The following PRDM6 variants were observed in gnomAD, a reference collection of about 807,000 sequenced individuals.
PRDM6 encodes putative histone-lysine N-methyltransferase PRDM6.
PRDM6 carries 25 observed loss-of-function variants against 60.8 expected under a neutral mutation model. That is an observed-to-expected ratio of 0.41 (90% CI 0.30 to 0.57). The LOEUF (loss-of-function observed/expected upper bound fraction) is 0.57. Among genes scored for constraint, PRDM6 ranks in the 20% least tolerant of loss-of-function variants. PRDM6 has a pLI of 0.27. For missense variants in PRDM6, 839 were observed against 821.3 expected (o/e 1.02, Z -0.26); for synonymous variants, 407 against 357.4 (o/e 1.14, Z -1.57).
intron 5 of PRDM6, among the ~76,000 whole-genome samples, chr5:123,168,250 ATATAAG>A (rs1765803856): frequency 6.6e-6 from 1 of 152,238 alleles, no homozygotes; most frequent in Non-Finnish European, 1.5e-5. Flanking sequence ...ACGTAGGTGT[ATATAAG>A]TATATGTATA....
At chr5:123,151,696 T>C (rs888858) in intron 3 of PRDM6, among the ~76,000 whole-genome samples, 27,558 of 148,310 alleles carry the variant, frequency 0.19, 2,616 homozygotes, top group Non-Finnish European at 0.22. Context: ...GGCAGAAGAG[T>C]TGGTGACTGA....
rs1402969181 is a variant in PRDM6, at chr5:123,187,668, A to C, written c.*467A>C. 6.3e-6 allele frequency: 1 copy of C among 158,402 alleles called. No homozygotes were observed. The highest frequency in any genetic ancestry group is 1.8e-4 in the East Asian group (1 of 5,522). 9.8% of individuals were successfully genotyped at this position (158,402 alleles called of 1,614,324 possible). A position where few individuals can be genotyped will look rare whatever the true frequency, so the allele number is the denominator to read the frequency against. On this transcript the variant is annotated 3_prime_UTR_variant, in exon 8 of 8. Coordinates refer to ENST00000407847, the MANE Select transcript of PRDM6 (RefSeq NM_001136239.4). Reference sequence around the variant, plus strand: ...CTGTGTCAGTTTGGCCTGGCCTGACACTGGCTGCCCCAGCGGGGACCACGG... The same window carrying C: ...CTGTGTCAGTTTGGCCTGGCCTGACCCTGGCTGCCCCAGCGGGGACCACGG...
At chr5:123,106,958 A>G (rs1194835261) in intron 3 of PRDM6, among the ~76,000 whole-genome samples, 1 of 152,224 alleles carries the variant, frequency 6.6e-6, no homozygotes, top group Non-Finnish European at 1.5e-5. Flanking sequence ...TCACTAAACC[A>G]GGTTACTCTT....
chr5:123,179,055 C>T (rs1766080423), intron 6 of PRDM6, among the ~76,000 whole-genome samples: 1 of 152,146 alleles, frequency 6.6e-6, no homozygotes, highest in Admixed American at 6.5e-5. Context: ...AAATTAGAAT[C>T]CTGTCAAGGA....
At chr5:123,138,033 G>T (rs34695021) in intron 3 of PRDM6, among the ~76,000 whole-genome samples, 1,844 of 151,524 alleles carry the variant, frequency 0.012, 17 homozygotes, top group Middle Eastern at 0.054. Context: ...GTTCACCCCC[G>T]CACCTTTCAA....
At chr5:123,090,880 G>A (rs1763824026) in intron 2 of PRDM6, among the ~76,000 whole-genome samples, 1 of 152,226 alleles carries the variant, frequency 6.6e-6, no homozygotes, top group South Asian at 2.1e-4. Context: ...CCAAGTGTTT[G>A]GGGCCGGAGT....
At chr5:123,113,656 C>T (rs1211203747) in intron 3 of PRDM6, among the ~76,000 whole-genome samples, 4 of 152,198 alleles carry the variant, frequency 2.6e-5, no homozygotes, top group African/African-American at 4.8e-5. Flanking sequence ...TCTGCCCCTT[C>T]TCACTATCTG....
At chr5:123,155,227 A>C (rs1194847342) in intron 3 of PRDM6, among the ~76,000 whole-genome samples, 1 of 150,082 alleles carries the variant, frequency 6.7e-6, no homozygotes, top group East Asian at 2.0e-4. Flanking sequence ...CATAGGAGAC[A>C]GCCATTTTTT....
chr5:123,094,236 C>T (rs572110710), intron 2 of PRDM6, among the ~76,000 whole-genome samples: 2 of 152,150 alleles, frequency 1.3e-5, no homozygotes, highest in Non-Finnish European at 2.9e-5. Context: ...CCCTTCCCAC[C>T]CAGGTGGAAA....
intron 3 of PRDM6, among the ~76,000 whole-genome samples, chr5:123,118,094 G>A (rs1764498556): frequency 6.6e-6 from 1 of 152,216 alleles, no homozygotes; most frequent in Admixed American, 6.5e-5. Context: ...AAAATCCAGA[G>A]GGATAACTGA....
intron 3 of PRDM6, among the ~76,000 whole-genome samples, chr5:123,100,664 A>G (rs1764081975): frequency 6.6e-6 from 1 of 152,272 alleles, no homozygotes; most frequent in Non-Finnish European, 1.5e-5. Context: ...AAACATGGGA[A>G]CAGTGTGAGC....
intron 7 of PRDM6, among the ~76,000 whole-genome samples, chr5:123,184,727 A>C (rs1209009132): frequency 6.6e-6 from 1 of 152,200 alleles, no homozygotes; most frequent in Non-Finnish European, 1.5e-5. Flanking sequence ...ATTTCTCTAA[A>C]ATGTAAGATA....
In PRDM6 at chr5:123,188,009, A is replaced by G. The variant is rs915665595; in HGVS notation, c.*808A>G. ...TTCAATAACATTTTAGCTTAAAAAA[A>G]AAAAAAGAAAATGAAAATAAAGTTC... On this transcript the variant is annotated 3_prime_UTR_variant, in exon 8 of 8. Transcript: ENST00000407847. 6.6e-6 allele frequency: 1 copy of G among 152,218 alleles called. No homozygotes were observed. Among genetic ancestry groups the G allele is most frequent in the African/African-American group, 2.4e-5 (1 of 41,462 alleles). The allele number at this position is 152,218 out of a possible 1,614,324, so 9.4% of individuals were successfully genotyped here.
intron 3 of PRDM6, among the ~76,000 whole-genome samples, chr5:123,147,034 TCTCTG>T (rs1406938128): frequency 3.9e-5 from 6 of 152,196 alleles, no homozygotes; most frequent in Non-Finnish European, 8.8e-5. Flanking sequence ...TACAGAGCTC[TCTCTG>T]CTCAAATGAA....
chr5:123,171,989 G>A (rs1348849471), intron 6 of PRDM6, among the ~76,000 whole-genome samples: 2 of 152,150 alleles, frequency 1.3e-5, no homozygotes, highest in Non-Finnish European at 2.9e-5. Context: ...AAGTATCTAA[G>A]AATAGCATTC....
chr5:123,184,135 T>C (rs1561889134), intron 7 of PRDM6, among the ~76,000 whole-genome samples: 1 of 152,148 alleles, frequency 6.6e-6, no homozygotes, highest in African/African-American at 2.4e-5. Flanking sequence ...ACATCATACA[T>C]ACAAAGCCCT....
chr5:123,186,790 A>C (rs1162992626), intron 7 of PRDM6, among the ~76,000 whole-genome samples: 1 of 152,226 alleles, frequency 6.6e-6, no homozygotes, highest in Non-Finnish European at 1.5e-5. Flanking sequence ...ACTCCTAAAA[A>C]TCTCTTTTTG....
intron 5 of PRDM6, among the ~76,000 whole-genome samples, chr5:123,170,130 C>T (rs1222974790): frequency 1.3e-5 from 2 of 152,056 alleles, no homozygotes; most frequent in African/African-American, 2.4e-5. Flanking sequence ...CTTCTGACCC[C>T]CAATCCTTAT....
chr5:123,165,882 T>C (rs1453015877), intron 5 of PRDM6, among the ~76,000 whole-genome samples: 1 of 152,216 alleles, frequency 6.6e-6, no homozygotes, highest in Non-Finnish European at 1.5e-5. Flanking sequence ...CTAAAATCTT[T>C]TTTTGGCTTG....
Sources: allele counts gnomAD v4.1 joint callset (sites outside exome capture counted in the v4.1 genomes callset), GRCh38; gene constraint gnomAD v4.1.1; transcripts MANE v1.5; gene names NCBI Gene and HGNC (gene_info 2026-07-23, HGNC 2026-07-21).